Variants in TSPEAR observed in about 807,000 individuals in gnomAD.
TSPEAR encodes the protein thrombospondin-type laminin G domain and EAR repeat-containing protein.
TSPEAR carries 69 observed loss-of-function variants against 71.6 expected under a neutral mutation model. The ratio of observed to expected loss-of-function variants is 0.96; its 90% confidence interval spans 0.79 to 1.18. The LOEUF is 1.18. Among genes scored for constraint, TSPEAR ranks in the 50% most tolerant of loss-of-function variants. The pLI, the probability that TSPEAR is intolerant of heterozygous loss-of-function variation, is 0.00. For synonymous variants in TSPEAR, 402 were observed against 387.2 expected (o/e 1.04, Z -0.45); for missense variants, 971 against 894.9 (o/e 1.09, Z -1.09).
At chr21:44,677,266 C>A in intron 1 of TSPEAR, 2 of 736,486 alleles carry the variant, frequency 2.7e-6, no homozygotes, top group Admixed American at 2.0e-5. Flanking sequence ...TCATCTACTG[C>A]CTTTCTGTGT....
At chr21:44,523,558 A>T (rs370772485) in intron 8 of TSPEAR, among the ~76,000 whole-genome samples, 1 of 150,896 alleles carries the variant, frequency 6.6e-6, no homozygotes, top group Non-Finnish European at 1.5e-5. Context: ...GTCAGTCAGT[A>T]AGTCAGTCAG....
chr21:44,538,565 T>G (rs2053137430), intron 2 of TSPEAR, among the ~76,000 whole-genome samples: 1 of 148,456 alleles, frequency 6.7e-6, no homozygotes, highest in Admixed American at 6.7e-5. Context: ...CCCTCTCCCC[T>G]CGCATTGCTG....
chr21:44,614,193 T>A (rs1377581672), intron 1 of TSPEAR, among the ~76,000 whole-genome samples: 1 of 152,186 alleles, frequency 6.6e-6, no homozygotes, highest in Non-Finnish European at 1.5e-5. Flanking sequence ...CCATTCACGA[T>A]CTGTGACGCC....
At chr21:44,574,403 G>A in intron 1 of TSPEAR, 1 of 1,602,636 alleles carries the variant, frequency 6.2e-7, no homozygotes. Flanking sequence ...CTAGCTGCCA[G>A]CCGGCTTGCT....
At chr21:44,689,740 T>TATA (rs1555949490) in intron 1 of TSPEAR, among the ~76,000 whole-genome samples, 8 of 125,130 alleles carry the variant, frequency 6.4e-5, no homozygotes, top group South Asian at 5.2e-4. Context: ...TATATATATA[T>TATA]TTTGGGGGGG....
intron 2 of TSPEAR, chr21:44,557,668 C>T (rs1340941455): frequency 3.8e-6 from 1 of 266,204 alleles, no homozygotes; most frequent in Non-Finnish European, 7.2e-6. Flanking sequence ...TCAGGACTGC[C>T]TCCGCCCCTG....
chr21:44,681,985 GCA>G (rs1555948105), intron 1 of TSPEAR: 1 of 1,613,216 alleles, frequency 6.2e-7, no homozygotes, highest in Admixed American at 1.7e-5. Context: ...CATCTCACGG[GCA>G]CACACACGGC....
rs587723012 is a variant in TSPEAR, at chr21:44,639,858, G to A, written c.82+71575C>T. On this transcript the variant is annotated intron_variant, in intron 1 of 11. Coordinates refer to ENST00000323084, the MANE Select transcript of TSPEAR (RefSeq NM_144991.3). ...CCGACAGGACCCAGCCTGTCTGGCC[G>A]TCCCCAGGGAGGATACCTCCTGGTG... Among the ~76,000 whole-genome samples, 49 of 152,340 alleles carry A rather than the reference G, an allele frequency of 3.2e-4. No individual in the cohort carries two copies. In the South Asian group the frequency reaches 7.5e-3, roughly 23 times the overall value.
chr21:44,689,323 A>C (rs544204751), intron 1 of TSPEAR, among the ~76,000 whole-genome samples: 1 of 152,166 alleles, frequency 6.6e-6, no homozygotes, highest in Non-Finnish European at 1.5e-5. Flanking sequence ...TAACACGGTG[A>C]AACCCCGTCT....
At chr21:44,634,862 C>G (rs1239924756) in intron 1 of TSPEAR, among the ~76,000 whole-genome samples, 1 of 151,936 alleles carries the variant, frequency 6.6e-6, no homozygotes, top group Non-Finnish European at 1.5e-5. Context: ...CAGATGTTGA[C>G]AAGGATGAAG....
chr21:44,529,444 T>C (rs2052922978), intron 5 of TSPEAR, among the ~76,000 whole-genome samples: 1 of 152,106 alleles, frequency 6.6e-6, no homozygotes, highest in South Asian at 2.1e-4. Flanking sequence ...GCCCAAACGC[T>C]GTCCTTGGGG....
intron 1 of TSPEAR, chr21:44,637,505 T>A (rs112205018): frequency 0.31 from 503,625 of 1,612,230 alleles, 80,300 homozygotes; most frequent in South Asian, 0.41. Context: ...CTGCGAGCCC[T>A]GCTGCTGTGC....
At chr21:44,577,753 C>T (rs117913957) in intron 1 of TSPEAR, among the ~76,000 whole-genome samples, 1 of 152,300 alleles carries the variant, frequency 6.6e-6, no homozygotes, top group East Asian at 1.9e-4. Flanking sequence ...AAAACCAAAC[C>T]TAGTTTTTTT....
chr21:44,663,009 AAAG>A (rs1395884041), intron 1 of TSPEAR, among the ~76,000 whole-genome samples: 2 of 152,128 alleles, frequency 1.3e-5, no homozygotes, highest in African/African-American at 4.8e-5. Context: ...TTATATTCAC[AAAG>A]AAGAAAGTCC....
chr21:44,635,932 G>A (rs1328010191), intron 1 of TSPEAR, among the ~76,000 whole-genome samples: 2 of 152,160 alleles, frequency 1.3e-5, no homozygotes, highest in African/African-American at 4.8e-5. Flanking sequence ...GGAGACGTGT[G>A]TTTAAACCTG....
chr21:44,654,289 G>T (rs1555942037), intron 1 of TSPEAR: 1 of 1,613,700 alleles, frequency 6.2e-7, no homozygotes. Flanking sequence ...GCAGCCAGTG[G>T]GGGTGCTCCA....
chr21:44,616,856 T>A (rs1191163366), intron 1 of TSPEAR, among the ~76,000 whole-genome samples: 1 of 152,194 alleles, frequency 6.6e-6, no homozygotes, highest in Non-Finnish European at 1.5e-5. Flanking sequence ...CTTGGGTGTA[T>A]TTTTTGTCTG....
intron 1 of TSPEAR, among the ~76,000 whole-genome samples, chr21:44,584,620 C>T (rs1208128496): frequency 2.6e-5 from 4 of 152,214 alleles, no homozygotes; most frequent in African/African-American, 9.7e-5. Context: ...CTCTCTCTCT[C>T]TCTCACACAC....
intron 1 of TSPEAR, among the ~76,000 whole-genome samples, chr21:44,691,317 C>T (rs1987115938): frequency 6.6e-6 from 1 of 152,188 alleles, no homozygotes; most frequent in Non-Finnish European, 1.5e-5. Context: ...TAACGTATAA[C>T]TGTTAACAAC....
Sources: gnomAD v4.1 joint callset for allele counts (sites outside exome capture counted in the v4.1 genomes callset) on GRCh38, gnomAD v4.1.1 for gene constraint, MANE v1.5 for transcripts, NCBI Gene and HGNC (gene_info 2026-07-23, HGNC 2026-07-21) for gene names.